Variants in PRICKLE2 observed in about 807,000 individuals in gnomAD.
The protein encoded by PRICKLE2 is prickle planar cell polarity protein 2, also known as prickle-like protein 2.
Under a neutral mutation model 81.4 loss-of-function variants are expected in PRICKLE2, and 21 were observed. The observed-to-expected ratio is 0.26, with a 90% CI of 0.18 to 0.37. The LOEUF (loss-of-function observed/expected upper bound fraction) is 0.37, where lower values mean the gene tolerates loss of function less well. Among genes scored for constraint, PRICKLE2 ranks in the 10% least tolerant of loss-of-function variants. PRICKLE2 has a pLI of 1.00. For synonymous variants in PRICKLE2, 456 were observed against 421.5 expected (o/e 1.08, Z -1.00); for missense variants, 940 against 1,109.0 (o/e 0.85, Z 2.16).
At chr3:64,242,439 A>C (rs2079280490) in intron 2 of PRICKLE2, among the ~76,000 whole-genome samples, 1 of 152,216 alleles carries the variant, frequency 6.6e-6, no homozygotes, top group Admixed American at 6.5e-5. Context: ...TGTCTACCCT[A>C]GAAAAGGTAT....
intron 2 of PRICKLE2, among the ~76,000 whole-genome samples, chr3:64,192,068 G>C (rs2078353071): frequency 1.3e-5 from 2 of 152,238 alleles, no homozygotes; most frequent in African/African-American, 4.8e-5. Context: ...GGATGTTCAG[G>C]GGAATCTGCT....
chr3:64,161,847 T>C (rs2077740015), intron 3 of PRICKLE2, among the ~76,000 whole-genome samples: 1 of 152,164 alleles, frequency 6.6e-6, no homozygotes, highest in Admixed American at 6.5e-5. Flanking sequence ...ACACCCTTCC[T>C]GCTTGTAAAA....
chr3:64,188,937 G>C (rs144377583), intron 2 of PRICKLE2, among the ~76,000 whole-genome samples: 185 of 152,270 alleles, frequency 1.2e-3, no homozygotes, highest in African/African-American at 4.4e-3. Context: ...TTTGTTAATA[G>C]ACGTCGGTCT....
At chr3:64,150,197 G>A (rs1026586655) in intron 6 of PRICKLE2, among the ~76,000 whole-genome samples, 1 of 151,936 alleles carries the variant, frequency 6.6e-6, no homozygotes, top group African/African-American at 2.4e-5. Context: ...ATGAACACAG[G>A]TTCAAATCCC....
chr3:64,198,680 T>C, intron 2 of PRICKLE2, 104 bp downstream of exon 2: 2 of 1,296,814 alleles, frequency 1.5e-6, no homozygotes, highest in Non-Finnish European at 2.2e-6. Flanking sequence ...ACCACTTCTC[T>C]GAATCAGCAA....
chr3:64,211,369 A>G (rs1205651477), intron 1 of PRICKLE2, among the ~76,000 whole-genome samples: 1 of 152,268 alleles, frequency 6.6e-6, no homozygotes, highest in African/African-American at 2.4e-5. Flanking sequence ...ATCTGACACA[A>G]TGATACAGCC....
intron 2 of PRICKLE2, among the ~76,000 whole-genome samples, chr3:64,235,594 G>A (rs1179550395): frequency 1.3e-5 from 2 of 152,170 alleles, no homozygotes; most frequent in Non-Finnish European, 2.9e-5. Flanking sequence ...GACAAGTTGA[G>A]CGAAGTCTGT....
At chr3:64,238,921 C>A (rs1347190150) in intron 2 of PRICKLE2, among the ~76,000 whole-genome samples, 2 of 152,206 alleles carry the variant, frequency 1.3e-5, no homozygotes, top group Admixed American at 6.5e-5. Context: ...TCAGCAGACA[C>A]CAGTCAGCCC....
At chr3:64,142,029 T>C in intron 7 of PRICKLE2, 1 of 807,004 alleles carries the variant, frequency 1.2e-6, no homozygotes, top group Non-Finnish European at 1.5e-6. Flanking sequence ...AAAATTCAAA[T>C]GTAAACAGTG....
At chr3:64,173,498 T>A (rs757120266) in intron 2 of PRICKLE2, among the ~76,000 whole-genome samples, 1 of 152,198 alleles carries the variant, frequency 6.6e-6, no homozygotes, top group Admixed American at 6.5e-5. Flanking sequence ...TTTATATAAT[T>A]AAATTTTCAT....
At chr3:64,159,492 G>A (rs1302261199) in intron 4 of PRICKLE2, among the ~76,000 whole-genome samples, 1 of 152,082 alleles carries the variant, frequency 6.6e-6, no homozygotes, top group Non-Finnish European at 1.5e-5. Flanking sequence ...CTCTGCCCCA[G>A]CCCATTGGCC....
intron 2 of PRICKLE2, among the ~76,000 whole-genome samples, chr3:64,263,661 T>C (rs992876128): frequency 1.3e-5 from 2 of 152,098 alleles, no homozygotes; most frequent in African/African-American, 4.8e-5. Flanking sequence ...GAAAGGATCC[T>C]GTGGGAGGCA....
chr3:64,168,543 CT>C (rs1461889557), intron 2 of PRICKLE2, among the ~76,000 whole-genome samples: 1 of 152,164 alleles, frequency 6.6e-6, no homozygotes, highest in Non-Finnish European at 1.5e-5. Flanking sequence ...CTGAGTGACC[CT>C]ACGGCTTGAC....
intron 2 of PRICKLE2, among the ~76,000 whole-genome samples, chr3:64,230,701 C>G (rs2079089955): frequency 6.6e-6 from 1 of 152,212 alleles, no homozygotes; most frequent in African/African-American, 2.4e-5. Flanking sequence ...CTCCTAGCAG[C>G]ATGACCTAGC....
At chr3:64,139,323 A>G (rs948817544) in intron 7 of PRICKLE2, among the ~76,000 whole-genome samples, 1 of 152,244 alleles carries the variant, frequency 6.6e-6, no homozygotes, top group Non-Finnish European at 1.5e-5. Flanking sequence ...GAGTAAAAAA[A>G]ACACAGAGTA....
In PRICKLE2 at chr3:64,147,481, T is replaced by C; in HGVS notation, c.1009A>G (p.Ser337Gly). The change falls in exon 7 of 8, where the codon AGT becomes GGT. Residue 337 changes from serine to glycine, a missense_variant. Ser to Gly is a moderately conservative substitution (Grantham distance 56). Coordinates refer to ENST00000638394, the MANE Select transcript of PRICKLE2 (RefSeq NM_198859.4). The surrounding 1 kb of genome is among the most constrained non-coding windows in gnomAD (Gnocchi z 5.0). ...CCCTTGTTCTTGCCAATTTTGGCAC[T>C]GCGCCGGGACTCCTTGGCCCTGGCG... ...QNARAKESRR[S>G]AKIGKNKGKT... 1 of 1,614,252 alleles carries C rather than the reference T, an allele frequency of 6.2e-7. No homozygotes were observed. Among genetic ancestry groups the C allele is most frequent in the Non-Finnish European group, 8.5e-7 (1 of 1,180,052 alleles).
chr3:64,162,382 G>A (rs1360098739), intron 3 of PRICKLE2, among the ~76,000 whole-genome samples: 1 of 152,108 alleles, frequency 6.6e-6, no homozygotes, highest in Non-Finnish European at 1.5e-5. Context: ...TTCTCTTTAT[G>A]AGCAATCAGA....
intron 7 of PRICKLE2, among the ~76,000 whole-genome samples, chr3:64,107,075 G>A (rs759780578): frequency 1.3e-5 from 2 of 152,140 alleles, no homozygotes; most frequent in South Asian, 4.1e-4. Context: ...CATATCCCAA[G>A]GGTCAGTGTG....
At chr3:64,267,666 CA>C (rs138955362) in intron 2 of PRICKLE2, among the ~76,000 whole-genome samples, 5,212 of 152,212 alleles carry the variant, frequency 0.034, 168 homozygotes, top group Admixed American at 0.099. Flanking sequence ...TTATGATTAC[CA>C]TTGCTGGTTA....
Sources: allele counts gnomAD v4.1 joint callset (sites outside exome capture counted in the v4.1 genomes callset), GRCh38; gene constraint gnomAD v4.1.1; non-coding constraint Gnocchi (gnomAD v3.1); transcripts MANE v1.5; gene names NCBI Gene and HGNC (gene_info 2026-07-23, HGNC 2026-07-21).